Variants in ROBO2 observed in about 807,000 individuals in gnomAD.
The protein encoded by ROBO2 is roundabout homolog 2.
ROBO2 carries 53 observed loss-of-function variants against 160.8 expected under a neutral mutation model. The ratio of observed to expected loss-of-function variants is 0.33; its 90% confidence interval spans 0.26 to 0.41. The LOEUF (loss-of-function observed/expected upper bound fraction) is 0.41. ROBO2 is among the 10% of genes least tolerant of loss of function. ROBO2 has a pLI of 1.00. For missense variants in ROBO2, 1,577 were observed against 1,722.4 expected (o/e 0.92, Z 1.49); for synonymous variants, 664 against 611.7 (o/e 1.09, Z -1.26).
intron 2 of ROBO2, among the ~76,000 whole-genome samples, chr3:77,467,479 T>A (rs1454192640): frequency 6.6e-6 from 1 of 152,104 alleles, no homozygotes; most frequent in Non-Finnish European, 1.5e-5. Flanking sequence ...CCATGGGACA[T>A]GAACCAGACT....
Position 77,571,357 on chromosome 3 carries a change from A to G in ROBO2, c.1971+2923A>G, listed in dbSNP as rs76597279. On this transcript the variant is annotated intron_variant, in intron 13 of 25. Transcript: ENST00000461745. Reference sequence around the variant, plus strand: ...TAGAATGCTGATTTTAGGGCCACATATAAGCCGTCTTCTTTTTTAGCCTGT... The same window carrying G: ...TAGAATGCTGATTTTAGGGCCACATGTAAGCCGTCTTCTTTTTTAGCCTGT... Among the ~76,000 whole-genome samples the G allele has an allele frequency of 2.6e-3, 403 of 152,206 alleles. 4 individuals carry two copies. The highest frequency in any genetic ancestry group is 0.026 in the East Asian group (132 of 5,154).
intron 2 of ROBO2, among the ~76,000 whole-genome samples, chr3:77,460,581 AGTT>A (rs1350358151): frequency 2.1e-4 from 32 of 152,308 alleles, no homozygotes; most frequent in African/African-American, 7.5e-4. Flanking sequence ...AGTAATGGCT[AGTT>A]GGAAGGAAAT....
chr3:76,553,243 C>A (rs1562499), intron 2 of ROBO2, among the ~76,000 whole-genome samples: 87,908 of 151,906 alleles, frequency 0.58, 25,607 homozygotes, highest in Admixed American at 0.62. Flanking sequence ...TGAGAAGGAG[C>A]AACATTTTAA....
In ROBO2 at chr3:76,760,084, G is replaced by T. The variant is rs2061216055; in HGVS notation, c.110-337930G>T. Among the ~76,000 whole-genome samples, 3 of 151,768 alleles carry T rather than the reference G, an allele frequency of 2.0e-5. No homozygotes were observed. In the South Asian group the frequency reaches 6.2e-4, roughly 31 times the overall value. On this transcript the variant is annotated intron_variant, in intron 2 of 26. Transcript: ENST00000487694. ...GTGGTATGTGAAGCAAAAGAGTGGAGAAGGCACAAGGGAAAAGAGACTAGA... is the reference window on the plus strand; with the variant it reads ...GTGGTATGTGAAGCAAAAGAGTGGATAAGGCACAAGGGAAAAGAGACTAGA...
chr3:76,007,677 AG>A (rs761873090), intron 2 of ROBO2, among the ~76,000 whole-genome samples: 31 of 152,194 alleles, frequency 2.0e-4, no homozygotes, highest in Non-Finnish European at 2.6e-4. Context: ...TAGATAAGTA[AG>A]GGTATCCCAT....
At chr3:76,917,178 T>A in intron 2 of ROBO2, among the ~76,000 whole-genome samples, 1 of 152,190 alleles carries the variant, frequency 6.6e-6, no homozygotes, top group East Asian at 1.9e-4. Context: ...TTCTACTTCA[T>A]TTTTATGTTC....
At chr3:77,224,818 A>G (rs1163194293) in intron 2 of ROBO2, among the ~76,000 whole-genome samples, 7 of 151,902 alleles carry the variant, frequency 4.6e-5, no homozygotes, top group African/African-American at 1.7e-4. Context: ...ATTATAGATA[A>G]GATATACTTT....
At chr3:76,942,595 G>C (rs1285601379) in intron 2 of ROBO2, among the ~76,000 whole-genome samples, 1 of 152,160 alleles carries the variant, frequency 6.6e-6, no homozygotes, top group African/African-American at 2.4e-5. Context: ...TACACTCTTA[G>C]GTTGGCTATA....
chr3:77,199,155 T>C (rs1488440017), intron 2 of ROBO2, among the ~76,000 whole-genome samples: 2 of 152,208 alleles, frequency 1.3e-5, no homozygotes, highest in Non-Finnish European at 2.9e-5. Context: ...TGGTGAAAGA[T>C]ATTTTATCAT....
At chr3:77,095,878 A>G (rs1329797353) in intron 1 of ROBO2, among the ~76,000 whole-genome samples, 2 of 151,648 alleles carry the variant, frequency 1.3e-5, no homozygotes, top group African/African-American at 4.8e-5. Context: ...TGTGATGTAT[A>G]CTGTAATTAC....
At chr3:76,572,452 C>G (rs944223630) in intron 2 of ROBO2, among the ~76,000 whole-genome samples, 4 of 152,018 alleles carry the variant, frequency 2.6e-5, no homozygotes, top group African/African-American at 9.7e-5. Flanking sequence ...GGAAGTGAGT[C>G]CTGGTGCTAA....
At chr3:76,224,163 T>C (rs555692301) in intron 2 of ROBO2, among the ~76,000 whole-genome samples, 1 of 152,264 alleles carries the variant, frequency 6.6e-6, no homozygotes, top group East Asian at 1.9e-4. Flanking sequence ...ATAGCACAGA[T>C]TTTTGGTACC....
chr3:76,552,311 G>T (rs914288680), intron 2 of ROBO2, among the ~76,000 whole-genome samples: 3 of 152,084 alleles, frequency 2.0e-5, no homozygotes, highest in Admixed American at 1.3e-4. Context: ...GATACTGAGG[G>T]ACAACCATAA....
At chr3:76,243,006 C>T (rs779511431) in intron 2 of ROBO2, among the ~76,000 whole-genome samples, 5 of 152,136 alleles carry the variant, frequency 3.3e-5, no homozygotes, top group Non-Finnish European at 5.9e-5. Context: ...ACGATTCCCC[C>T]GCTTCTAGGC....
At chr3:76,327,352 A>G (rs1431788196) in intron 2 of ROBO2, among the ~76,000 whole-genome samples, 3 of 152,128 alleles carry the variant, frequency 2.0e-5, no homozygotes, top group Non-Finnish European at 2.9e-5. Flanking sequence ...CTTATATGTT[A>G]TGAATTTCCT....
chr3:76,940,465 A>C (rs1559736798), intron 2 of ROBO2, among the ~76,000 whole-genome samples: 1 of 152,188 alleles, frequency 6.6e-6, no homozygotes, highest in Admixed American at 6.6e-5. Context: ...ACAACAAAAA[A>C]TCCATTTATC....
chr3:76,110,758 T>C (rs2108232755), intron 2 of ROBO2, among the ~76,000 whole-genome samples: 1 of 152,194 alleles, frequency 6.6e-6, no homozygotes, highest in South Asian at 2.1e-4. Flanking sequence ...AAAAAAAGTA[T>C]TAAGAAATGA....
At chr3:75,940,109 A>G (rs1947980594) in intron 2 of ROBO2, among the ~76,000 whole-genome samples, 2 of 152,206 alleles carry the variant, frequency 1.3e-5, no homozygotes, top group Non-Finnish European at 2.9e-5. Context: ...CAACCTCTTC[A>G]TATTTATGAA....
At chr3:76,822,789 C>T (rs904801869) in intron 2 of ROBO2, among the ~76,000 whole-genome samples, 6 of 151,468 alleles carry the variant, frequency 4.0e-5, no homozygotes, top group African/African-American at 7.3e-5. Flanking sequence ...TTCATGGTTC[C>T]CTAAAGAAGA....
Sources: gnomAD v4.1 joint callset for allele counts (sites outside exome capture counted in the v4.1 genomes callset) on GRCh38, gnomAD v4.1.1 for gene constraint, MANE v1.5 for transcripts, NCBI Gene and HGNC (gene_info 2026-07-23, HGNC 2026-07-21) for gene names.